CREB5: variants seen among roughly 807,000 people sequenced by gnomAD.
The protein encoded by CREB5 is cyclic AMP-responsive element-binding protein 5.
Under a neutral mutation model 57.1 loss-of-function variants are expected in CREB5, and 19 were observed. The observed-to-expected ratio is 0.33, with a 90% confidence interval of 0.23 to 0.49. CREB5 has a LOEUF of 0.49. CREB5 is among the 20% of genes least tolerant of loss of function. The pLI, the probability that CREB5 is intolerant of heterozygous loss-of-function variation, is 0.99. For synonymous variants in CREB5, 238 were observed against 238.3 expected (o/e 1.00, Z 0.01); for missense variants, 579 against 671.6 (o/e 0.86, Z 1.52).
chr7:28,447,021 C>A (rs559573575), intron 1 of CREB5, among the ~76,000 whole-genome samples: 5 of 152,128 alleles, frequency 3.3e-5, no homozygotes, highest in African/African-American at 4.8e-5. Context: ...GACTCTGCAC[C>A]TTGCTAGCTC....
At position 28,450,458 on chromosome 7, in the gene CREB5, A is replaced by G. The variant is rs550824147; in HGVS notation, c.3+37541A>G. Among the ~76,000 whole-genome samples, 14 of 152,372 alleles carry G rather than the reference A, an allele frequency of 9.2e-5. No individual in the cohort carries two copies. The East Asian group carries it at 2.5e-3, about 27-fold the overall frequency. ...CATATGATGCAAAATATTGAAATAGATAATTTACCAAGCTTGCAATTTCTC... is the reference window on the plus strand; with the variant it reads ...CATATGATGCAAAATATTGAAATAGGTAATTTACCAAGCTTGCAATTTCTC... On this transcript the variant is annotated intron_variant, in intron 1 of 10. Coordinates refer to ENST00000357727, the MANE Select transcript of CREB5 (RefSeq NM_182898.4).
intron 7 of CREB5, among the ~76,000 whole-genome samples, chr7:28,742,343 G>C (rs1419061751): frequency 6.6e-6 from 1 of 152,026 alleles, no homozygotes; most frequent in Admixed American, 6.5e-5. Context: ...GAGGCGGGCA[G>C]ATCATGAGGT....
chr7:28,496,870 G>A (rs1792080509), intron 3 of CREB5, among the ~76,000 whole-genome samples: 1 of 151,836 alleles, frequency 6.6e-6, no homozygotes, highest in Admixed American at 6.6e-5. Context: ...CAGAGATGGA[G>A]AAACTCAAAT....
At chr7:28,416,323 G>A (rs1788021637) in intron 1 of CREB5, among the ~76,000 whole-genome samples, 1 of 152,036 alleles carries the variant, frequency 6.6e-6, no homozygotes, top group African/African-American at 2.4e-5. Context: ...TTCCTAAGGG[G>A]GAAAAATACA....
upstream of CREB5, among the ~76,000 whole-genome samples, chr7:28,409,100 T>C (rs895665123): frequency 2.0e-5 from 3 of 151,874 alleles, no homozygotes; most frequent in Admixed American, 6.5e-5. The surrounding 1 kb of genome is among the most constrained non-coding windows in gnomAD (Gnocchi z 4.4). Context: ...CAGGGAGCCG[T>C]GTCACACGGC....
At chr7:28,391,408 G>A (rs1228219393) in intron 1 of CREB5, among the ~76,000 whole-genome samples, 3 of 152,102 alleles carry the variant, frequency 2.0e-5, no homozygotes, top group African/African-American at 2.4e-5. Flanking sequence ...GCTACTAATC[G>A]GCCGTTATGT....
chr7:28,463,912 A>G (rs992402322), intron 1 of CREB5, among the ~76,000 whole-genome samples: 1 of 152,060 alleles, frequency 6.6e-6, no homozygotes, highest in Non-Finnish European at 1.5e-5. Flanking sequence ...GATACCTTTT[A>G]TTTCATTTTC....
At chr7:28,647,238 A>T (rs1396177483) in intron 5 of CREB5, among the ~76,000 whole-genome samples, 1 of 151,426 alleles carries the variant, frequency 6.6e-6, no homozygotes. Context: ...GCTGAACAGC[A>T]TCGCAAACAT....
chr7:28,450,208 C>T (rs376719501), intron 1 of CREB5, among the ~76,000 whole-genome samples: 110 of 152,248 alleles, frequency 7.2e-4, no homozygotes, highest in African/African-American at 2.6e-3. Context: ...CCTGTTGTGA[C>T]TGATAATAAT....
At chr7:28,313,831 A>G (rs7781713) in intron 1 of CREB5, among the ~76,000 whole-genome samples, 92,459 of 152,122 alleles carry the variant, frequency 0.61, 30,200 homozygotes, top group East Asian at 0.96. Flanking sequence ...AAAATTTAAT[A>G]GACATATATC....
chr7:28,342,408 G>A (rs1429319045), intron 1 of CREB5, among the ~76,000 whole-genome samples: 1 of 152,012 alleles, frequency 6.6e-6, no homozygotes, highest in Admixed American at 6.6e-5. Flanking sequence ...AGACTAATTA[G>A]TACTAATACT....
In CREB5 at chr7:28,800,722, C is replaced by T. The variant is rs572221535; in HGVS notation, c.703-3477C>T. The stretch of plus-strand genomic sequence containing the variant: ...CCACTAAATTTCAGAAAGAGTGCAT[C>T]CAGGTCCCTAGCTGTGTGCTGAGTA... On this transcript the variant is annotated intron_variant, in intron 7 of 10. Coordinates refer to ENST00000357727, the MANE Select transcript of CREB5 (RefSeq NM_182898.4). Among the ~76,000 whole-genome samples, 9 of 152,308 alleles carry T rather than the reference C, an allele frequency of 5.9e-5. No homozygotes were observed. In the East Asian group the frequency reaches 1.7e-3, roughly 29 times the overall value.
At chr7:28,642,486 T>G (rs1013512076) in intron 5 of CREB5, among the ~76,000 whole-genome samples, 1 of 152,234 alleles carries the variant, frequency 6.6e-6, no homozygotes, top group Non-Finnish European at 1.5e-5. Context: ...ACTTCGTTTT[T>G]ACTTCATTTT....
intron 5 of CREB5, among the ~76,000 whole-genome samples, chr7:28,640,951 T>C (rs1036477834): frequency 3.9e-5 from 6 of 152,192 alleles, no homozygotes; most frequent in Admixed American, 1.3e-4. Flanking sequence ...TCAAGCACAT[T>C]TAACTTCTTG....
Position 28,819,641 on chromosome 7 carries a change from A to C in CREB5, c.*362A>C. The C allele has an allele frequency of 5.7e-6, 1 of 174,742 alleles. No homozygotes were observed. Among genetic ancestry groups the C allele is most frequent in the Non-Finnish European group, 1.2e-5 (1 of 81,434 alleles). 10.8% of individuals were successfully genotyped at this position (174,742 alleles called of 1,614,324 possible). On this transcript the variant is annotated 3_prime_UTR_variant, in exon 11 of 11. Coordinates refer to ENST00000357727, the MANE Select transcript of CREB5 (RefSeq NM_182898.4). ...TGTTAAACCACAGCTTTTAGCTAAA[A>C]TGAGGTATACCTAGATGTCAAGTAA... is the stretch of plus-strand genomic sequence containing the variant.
chr7:28,560,911 T>TGCGCGTGCGCGTGC (rs1174704522), intron 4 of CREB5, among the ~76,000 whole-genome samples: 2 of 36,068 alleles, frequency 5.5e-5, no homozygotes, highest in Non-Finnish European at 1.0e-4. Flanking sequence ...CGCGCGTGCG[T>TGCGCGTGCGCGTGC]GTGCGTGTGT....
chr7:28,432,395 T>C (rs1018264040), intron 1 of CREB5, among the ~76,000 whole-genome samples: 1 of 152,206 alleles, frequency 6.6e-6, no homozygotes, highest in Admixed American at 6.5e-5. Context: ...TGGCTGTCGC[T>C]CGTACGCAGT....
chr7:28,496,391 C>A (rs1792047791), intron 3 of CREB5, among the ~76,000 whole-genome samples: 1 of 152,056 alleles, frequency 6.6e-6, no homozygotes, highest in Non-Finnish European at 1.5e-5. Flanking sequence ...TTCTTTTTTA[C>A]TAATTTTATT....
intron 5 of CREB5, among the ~76,000 whole-genome samples, chr7:28,653,786 G>A (rs73302886): frequency 0.023 from 3,436 of 152,262 alleles, 128 homozygotes; most frequent in African/African-American, 0.079. Flanking sequence ...CTCTTATTGT[G>A]GTCCATGTGA....
Sources: gnomAD v4.1 joint callset for allele counts (sites outside exome capture counted in the v4.1 genomes callset) on GRCh38, gnomAD v4.1.1 for gene constraint, Gnocchi (gnomAD v3.1) non-coding constraint, MANE v1.5 for transcripts, NCBI Gene and HGNC (gene_info 2026-07-23, HGNC 2026-07-21) for gene names.